Variants in CSMD3 observed in about 807,000 individuals in gnomAD.
The protein encoded by CSMD3 is CUB and Sushi multiple domains 3.
In CSMD3, 177 loss-of-function variants were observed where a neutral mutation model predicts 435.2. That is an observed-to-expected ratio of 0.41 (90% CI 0.36 to 0.46). The LOEUF (loss-of-function observed/expected upper bound fraction) is 0.46, where lower values mean the gene tolerates loss of function less well. Among genes scored for constraint, CSMD3 ranks in the 20% least tolerant of loss-of-function variants. The pLI is 0.34. For synonymous variants in CSMD3, 1,656 were observed against 1,520.5 expected, an observed-to-expected ratio of 1.09 and a Z score of -2.07; for missense variants, 4,265 against 4,504.6, an observed-to-expected ratio of 0.95 and a Z score of 1.52.
At chr8:112,279,945 C>T (rs1818464630) in intron 59 of CSMD3, among the ~76,000 whole-genome samples, 1 of 152,078 alleles carries the variant, frequency 6.6e-6, no homozygotes, top group Admixed American at 6.6e-5. Flanking sequence ...TGCACACAAA[C>T]TTTGCATGCA....
At chr8:113,431,233 C>G (rs949598155) in intron 1 of CSMD3, among the ~76,000 whole-genome samples, 7 of 152,126 alleles carry the variant, frequency 4.6e-5, no homozygotes, top group Non-Finnish European at 1.0e-4. Context: ...ATCCAAAGTC[C>G]AAATCAATAT....
In CSMD3 at chr8:112,587,192, C is replaced by A. The variant is rs370628923; in HGVS notation, c.3759G>T (p.Leu1253=). The change falls in exon 23 of 71, where the codon CTG becomes CTT. Residue 1253 remains leucine, a synonymous_variant. Coordinates refer to ENST00000297405, the MANE Select transcript of CSMD3 (RefSeq NM_198123.2). ...ASATNNEGIL[L]SPNYPLNYEN... is the part of the protein sequence containing the mutation. ...CATAGTTGAGTGGATAATTTGGAGACAGCAAAATTCCTTCATTATTCGTTG... is the reference window on the plus strand; with the variant it reads ...CATAGTTGAGTGGATAATTTGGAGAAAGCAAAATTCCTTCATTATTCGTTG... The A allele has an allele frequency of 9.3e-6, 15 of 1,610,032 alleles. No individual in the cohort carries two copies. Among genetic ancestry groups the A allele is most frequent in the East Asian group, 2.2e-5 (1 of 44,712 alleles).
chr8:112,618,891 T>G (rs1213014557), intron 22 of CSMD3, among the ~76,000 whole-genome samples: 1 of 152,162 alleles, frequency 6.6e-6, no homozygotes, highest in East Asian at 1.9e-4. Context: ...TTTTATGATT[T>G]ACATCTTTAT....
intron 27 of CSMD3, among the ~76,000 whole-genome samples, chr8:112,547,860 A>G (rs1002912534): frequency 6.6e-6 from 1 of 152,164 alleles, no homozygotes; most frequent in African/African-American, 2.4e-5. Flanking sequence ...TTAATTAGTG[A>G]TAAATATGTT....
At chr8:112,474,963 T>C (rs1433571665) in intron 31 of CSMD3, among the ~76,000 whole-genome samples, 2 of 152,190 alleles carry the variant, frequency 1.3e-5, no homozygotes, top group African/African-American at 2.4e-5. Flanking sequence ...CTCATTATTG[T>C]CTGAGATTAG....
At chr8:112,947,353 A>C (rs915816713) in intron 9 of CSMD3, among the ~76,000 whole-genome samples, 5 of 151,762 alleles carry the variant, frequency 3.3e-5, no homozygotes, top group Admixed American at 2.6e-4. Context: ...TAAGATGTTT[A>C]TAGAACATTT....
At chr8:112,283,065 T>C (rs974940874) in intron 58 of CSMD3, among the ~76,000 whole-genome samples, 9 of 152,074 alleles carry the variant, frequency 5.9e-5, no homozygotes, top group Non-Finnish European at 1.2e-4. Flanking sequence ...AGTATTAACA[T>C]CACCACCATT....
At chr8:113,079,343 C>T (rs2089465344) in intron 5 of CSMD3, among the ~76,000 whole-genome samples, 1 of 152,112 alleles carries the variant, frequency 6.6e-6, no homozygotes, top group Non-Finnish European at 1.5e-5. Flanking sequence ...ATTAATACTT[C>T]TACCAAAGAT....
chr8:113,311,904 T>C (rs964524346), intron 2 of CSMD3: 3 of 152,142 alleles, frequency 2.0e-5, no homozygotes, highest in Non-Finnish European at 4.4e-5. Flanking sequence ...ATTTTGCTTG[T>C]ATAAATAGAG....
At position 112,922,772 on chromosome 8, in the gene CSMD3, T is replaced by C. The variant is rs144882067; in HGVS notation, c.1509-1021A>G. On this transcript the variant is annotated intron_variant, in intron 9 of 70. Coordinates refer to ENST00000297405, the MANE Select transcript of CSMD3 (RefSeq NM_198123.2). ...AGTCCTACATGTCATCTCTCACTCA[T>C]TGTGACACCTGATCAACATCTCTAG... 1.8e-3 allele frequency among the ~76,000 whole-genome samples: 269 copies of C among 152,190 alleles called. 1 individual carries two copies. The highest frequency in any genetic ancestry group is 3.4e-3 in the Non-Finnish European group (228 of 68,004).
At chr8:112,768,364 T>C (rs1412673034) in intron 13 of CSMD3, among the ~76,000 whole-genome samples, 2 of 151,854 alleles carry the variant, frequency 1.3e-5, no homozygotes, top group African/African-American at 2.4e-5. Context: ...TTTCACTTTT[T>C]ATACCTGTCC....
chr8:113,332,936 A>G (rs1268723418), intron 1 of CSMD3, among the ~76,000 whole-genome samples: 1 of 151,764 alleles, frequency 6.6e-6, no homozygotes, highest in Non-Finnish European at 1.5e-5. Context: ...TGGACATAAG[A>G]TTAATTGAAT....
intron 3 of CSMD3, among the ~76,000 whole-genome samples, chr8:113,243,356 T>C (rs972762666): frequency 1.3e-5 from 2 of 151,940 alleles, no homozygotes; most frequent in Non-Finnish European, 2.9e-5. Context: ...TTTTCATCAG[T>C]ATATTTTATT....
intron 3 of CSMD3, among the ~76,000 whole-genome samples, chr8:113,221,954 A>C (rs143997664): frequency 2.3e-3 from 342 of 151,416 alleles, no homozygotes; most frequent in African/African-American, 7.9e-3. Context: ...ACAACCCTGG[A>C]ACATAAACAG....
intron 12 of CSMD3, among the ~76,000 whole-genome samples, chr8:112,822,282 G>A (rs1039090603): frequency 2.0e-5 from 3 of 152,114 alleles, no homozygotes; most frequent in African/African-American, 7.2e-5. Flanking sequence ...CTATCCATGA[G>A]CATGGAATCT....
At chr8:112,332,517 C>A (rs1382042161) in intron 45 of CSMD3, among the ~76,000 whole-genome samples, 1 of 152,072 alleles carries the variant, frequency 6.6e-6, no homozygotes, top group African/African-American at 2.4e-5. Context: ...TTAATGTAGG[C>A]CTCATGCATT....
intron 2 of CSMD3, among the ~76,000 whole-genome samples, chr8:113,302,631 C>T (rs1010855612): frequency 9.2e-5 from 14 of 151,792 alleles, no homozygotes; most frequent in Non-Finnish European, 1.5e-4. Flanking sequence ...ATGGTCACTT[C>T]GATTATGCCA....
At chr8:113,038,300 CA>C (rs1415399108) in intron 5 of CSMD3, among the ~76,000 whole-genome samples, 12 of 152,012 alleles carry the variant, frequency 7.9e-5, no homozygotes, top group Non-Finnish European at 1.3e-4. Flanking sequence ...AAAATCATCA[CA>C]AAAAAATAAA....
chr8:113,179,777 G>C (rs891038274), intron 3 of CSMD3, among the ~76,000 whole-genome samples: 1 of 151,462 alleles, frequency 6.6e-6, no homozygotes, highest in Non-Finnish European at 1.5e-5. Flanking sequence ...TTTTGTTATG[G>C]TTTCCTTGGA....
Sources: allele counts gnomAD v4.1 joint callset (sites outside exome capture counted in the v4.1 genomes callset), GRCh38; gene constraint gnomAD v4.1.1; transcripts MANE v1.5; gene names NCBI Gene and HGNC (gene_info 2026-07-23, HGNC 2026-07-21).